The following HIP1 variants were observed in gnomAD, a reference collection of about 807,000 sequenced individuals.
The protein encoded by HIP1 is huntingtin interacting protein 1.
In HIP1, 65 loss-of-function variants were observed where a neutral mutation model predicts 147.6. The observed-to-expected ratio is 0.44, with a 90% CI of 0.36 to 0.54. The LOEUF (loss-of-function observed/expected upper bound fraction) is 0.54, where lower values mean the gene tolerates loss of function less well. Among genes scored for constraint, HIP1 ranks in the 20% least tolerant of loss-of-function variants. HIP1 has a pLI of 0.00. For missense variants in HIP1, 1,061 were observed against 1,299.6 expected, an observed-to-expected ratio of 0.82 and a Z score of 2.82; for synonymous variants, 479 against 504.0, an observed-to-expected ratio of 0.95 and a Z score of 0.67.
At chr7:75,655,307 G>A (rs193027903) in intron 1 of HIP1, among the ~76,000 whole-genome samples, 1 of 151,676 alleles carries the variant, frequency 6.6e-6, no homozygotes, top group African/African-American at 2.4e-5. Flanking sequence ...GGCCGGGCAC[G>A]GTGGCTCACG....
At chr7:75,727,710 G>A (rs1478780068) in intron 1 of HIP1, among the ~76,000 whole-genome samples, 3 of 152,022 alleles carry the variant, frequency 2.0e-5, no homozygotes, top group Non-Finnish European at 2.9e-5. Flanking sequence ...TCCGGGCATG[G>A]TGGCATGTGC....
Position 75,708,539 on chromosome 7 carries a change from A to T in HIP1, c.120+30262T>A, listed in dbSNP as rs544714094. Among the ~76,000 whole-genome samples, 8 of 152,248 alleles carry T rather than the reference A, an allele frequency of 5.3e-5. 1 individual carries two copies. Among genetic ancestry groups the T allele is most frequent in the African/African-American group, 1.9e-4 (8 of 41,570 alleles). The stretch of plus-strand genomic sequence containing the variant: ...AGTTAATGTTTGTATATGGTGTAAG[A>T]TAAGTGTCCAAATTCATTCTCTTGC... On this transcript the variant is annotated intron_variant, in intron 1 of 30. Coordinates refer to ENST00000336926, the MANE Select transcript of HIP1 (RefSeq NM_005338.7).
At chr7:75,706,789 G>A (rs1258903760) in intron 1 of HIP1, among the ~76,000 whole-genome samples, 1 of 94,212 alleles carries the variant, frequency 1.1e-5, no homozygotes, top group African/African-American at 4.4e-5. Context: ...CCCCTCCCCC[G>A]ACCCCACCAC....
chr7:75,689,661 A>C (rs1800381373), intron 1 of HIP1, among the ~76,000 whole-genome samples: 1 of 152,172 alleles, frequency 6.6e-6, no homozygotes, highest in Non-Finnish European at 1.5e-5. Flanking sequence ...CGCTCCTTGG[A>C]GTACAGTTTT....
chr7:75,692,823 T>C (rs1554518311), intron 1 of HIP1, among the ~76,000 whole-genome samples: 2 of 152,086 alleles, frequency 1.3e-5, no homozygotes, highest in Non-Finnish European at 2.9e-5. Context: ...TTCCCCATCT[T>C]CTGAACAAGA....
intron 1 of HIP1, among the ~76,000 whole-genome samples, chr7:75,664,057 CACATATATGTGTATAT>C (rs1443911734): frequency 0.061 from 3,923 of 64,840 alleles, 995 homozygotes; most frequent in Non-Finnish European, 0.076. Flanking sequence ...TGTGTATATA[CACATATATGTGTATAT>C]ACACACACAT....
intron 7 of HIP1, among the ~76,000 whole-genome samples, chr7:75,579,897 AT>A (rs1554498294): frequency 1.3e-5 from 2 of 152,070 alleles, no homozygotes; most frequent in African/African-American, 2.4e-5. Context: ...TCAGAGTTGG[AT>A]GCTTGTCATG....
chr7:75,633,680 G>T (rs587669563), intron 1 of HIP1, among the ~76,000 whole-genome samples: 1 of 152,098 alleles, frequency 6.6e-6, no homozygotes, highest in Non-Finnish European at 1.5e-5. Flanking sequence ...TGCTGGGCAG[G>T]TCACCCATCA....
rs587679845 is a variant in HIP1, at chr7:75,581,672, G to A, written c.543-374C>T. ...CGCATGCCTGTAATCCCAGCTACTC[G>A]GGAGGCTGAGGCAGGAGAATCACTT... On this transcript the variant is annotated intron_variant, in intron 6 of 30. Transcript: ENST00000336926. Among the ~76,000 whole-genome samples the A allele has an allele frequency of 2.1e-3, 315 of 152,274 alleles. 1 individual carries two copies. Among genetic ancestry groups the A allele is most frequent in the African/African-American group, 4.5e-3 (187 of 41,564 alleles).
chr7:75,540,166 G>T (rs1214914540), intron 29 of HIP1, among the ~76,000 whole-genome samples: 1 of 151,536 alleles, frequency 6.6e-6, no homozygotes, highest in Non-Finnish European at 1.5e-5. Flanking sequence ...GGTGGCTTAT[G>T]CCCGTAATCC....
chr7:75,547,547 C>T (rs587622279), intron 24 of HIP1, among the ~76,000 whole-genome samples: 4 of 152,248 alleles, frequency 2.6e-5, no homozygotes, highest in Admixed American at 1.3e-4. Context: ...GGATTACAGG[C>T]GGGAGCTACC....
At chr7:75,589,730 GT>G (rs1202110747) in intron 4 of HIP1, among the ~76,000 whole-genome samples, 3 of 135,194 alleles carry the variant, frequency 2.2e-5, no homozygotes, top group African/African-American at 5.6e-5. Context: ...TTTTTTTTGG[GT>G]TTTTTTTGTT....
chr7:75,572,686 T>G (rs1484762266), intron 8 of HIP1, among the ~76,000 whole-genome samples: 2 of 152,146 alleles, frequency 1.3e-5, no homozygotes, highest in Non-Finnish European at 2.9e-5. Context: ...GCCGCCCAAG[T>G]TGTGACTGCA....
At chr7:75,587,329 G>A (rs782351018) in intron 4 of HIP1, among the ~76,000 whole-genome samples, 3 of 152,134 alleles carry the variant, frequency 2.0e-5, no homozygotes, top group South Asian at 2.1e-4. Context: ...TGATCTGCCC[G>A]CCTCTGCCTC....
chr7:75,634,118 A>C (rs997201792), intron 1 of HIP1, among the ~76,000 whole-genome samples: 1 of 151,936 alleles, frequency 6.6e-6, no homozygotes, highest in African/African-American at 2.4e-5. Context: ...GCAGTCAAAC[A>C]TGGTGGTGGT....
intron 1 of HIP1, among the ~76,000 whole-genome samples, chr7:75,631,507 G>A (rs1456354251): frequency 6.6e-5 from 10 of 152,104 alleles, no homozygotes; most frequent in Non-Finnish European, 1.5e-4. Flanking sequence ...ACAGGGGACA[G>A]GGCTGTGGAG....
At chr7:75,579,081 G>A (rs587659180) in intron 7 of HIP1, among the ~76,000 whole-genome samples, 10 of 152,020 alleles carry the variant, frequency 6.6e-5, no homozygotes, top group African/African-American at 1.7e-4. Context: ...GCCTCCCAAC[G>A]TGCTGAAATT....
chr7:75,678,507 C>G (rs761660464), intron 1 of HIP1, among the ~76,000 whole-genome samples: 10 of 152,062 alleles, frequency 6.6e-5, no homozygotes, highest in Non-Finnish European at 1.3e-4. Flanking sequence ...CCACACCCGG[C>G]TAATTTTTGT....
chr7:75,709,109 CTT>C (rs55720152), intron 1 of HIP1, among the ~76,000 whole-genome samples: 2 of 131,414 alleles, frequency 1.5e-5, no homozygotes, highest in Non-Finnish European at 3.2e-5. Flanking sequence ...TTTTTCTTTT[CTT>C]TTTTTTTTTT....
Sources: gnomAD v4.1 joint callset for allele counts (sites outside exome capture counted in the v4.1 genomes callset) on GRCh38, gnomAD v4.1.1 for gene constraint, MANE v1.5 for transcripts, NCBI Gene and HGNC (gene_info 2026-07-23, HGNC 2026-07-21) for gene names.